OTOF: variants seen among roughly 807,000 people sequenced by gnomAD.
The protein encoded by OTOF is otoferlin.
OTOF carries 218 observed loss-of-function variants against 236.8 expected under a neutral mutation model. The observed-to-expected ratio is 0.92, with a 90% CI of 0.82 to 1.03. OTOF has a LOEUF of 1.03. Ranked by LOEUF, OTOF falls within the 50% of genes least tolerant of loss-of-function variation. The pLI is 0.00. For missense variants in OTOF, 2,590 were observed against 2,694.4 expected (o/e 0.96, Z 0.86); for synonymous variants, 1,041 against 1,072.5 (o/e 0.97, Z 0.57).
rs560100321 is a variant in OTOF, at chr2:26,483,045, G to A, written c.1392+417C>T. Among the ~76,000 whole-genome samples the A allele has an allele frequency of 1.5e-4, 22 of 150,134 alleles. No homozygotes were observed. The East Asian group carries it at 4.0e-3, about 27-fold the overall frequency. On this transcript the variant is annotated intron_variant, in intron 13 of 46. Coordinates refer to ENST00000272371, the MANE Select transcript of OTOF (RefSeq NM_194248.3). ...TGTGTGCGTGTGTGAGTGGGTGCAT[G>A]TGTGCATGTGTGAGTGGGTGTGTGT... is the stretch of plus-strand genomic sequence containing the variant.
intron 1 of OTOF, among the ~76,000 whole-genome samples, chr2:26,538,951 T>C (rs1397813764): frequency 6.6e-6 from 1 of 151,828 alleles, no homozygotes; most frequent in Non-Finnish European, 1.5e-5. Context: ...GTAACTGGGA[T>C]TACAGGCGCC....
At chr2:26,474,737 G>C in intron 25 of OTOF, 63 bp from the exon 26 acceptor site, 1 of 1,574,382 alleles carries the variant, frequency 6.4e-7, no homozygotes, top group Non-Finnish European at 8.7e-7. Context: ...GATCTCGTTT[G>C]GTCCTTACCA....
At chr2:26,469,946 T>C (rs1294537640) in intron 32 of OTOF, among the ~76,000 whole-genome samples, 1 of 152,136 alleles carries the variant, frequency 6.6e-6, no homozygotes, top group Non-Finnish European at 1.5e-5. Context: ...GTAGGCAGCG[T>C]GGAGAGGACA....
In OTOF at chr2:26,460,842, G is replaced by A. The variant is rs1184362325; in HGVS notation, c.5712+10C>T. On this transcript the variant is annotated intron_variant, in intron 44 of 46. Transcript: ENST00000272371. The surrounding 1 kb of genome is among the most constrained non-coding windows in gnomAD (Gnocchi z 5.3). ...CCCTGCCTACTGCCCGAGCAGGAAG[G>A]GGTGCGCACCGTGAGCTCAAACTCA... 1 of 1,614,148 alleles carries A rather than the reference G, an allele frequency of 6.2e-7. No individual in the cohort carries two copies.
At chr2:26,481,908 A>T (rs1665550100) in intron 14 of OTOF, among the ~76,000 whole-genome samples, 1 of 152,080 alleles carries the variant, frequency 6.6e-6, no homozygotes, top group Non-Finnish European at 1.5e-5. Flanking sequence ...TCTCCTCAAT[A>T]CACAGTGAGC....
chr2:26,540,306 C>T (rs1388456031), intron 1 of OTOF, among the ~76,000 whole-genome samples: 2 of 152,182 alleles, frequency 1.3e-5, no homozygotes, highest in Non-Finnish European at 2.9e-5. Context: ...TGAAGCCATT[C>T]CTATTTGGGG....
rs145542209 is a variant in OTOF at position 26,557,709 on chromosome 2, G to A, written c.79+784C>T. 6.3e-4 allele frequency among the ~76,000 whole-genome samples: 95 copies of A among 151,642 alleles called. No individual in the cohort carries two copies. In the South Asian group the frequency reaches 9.0e-3, roughly 14 times the overall value. On this transcript the variant is annotated intron_variant, in intron 1 of 46. Transcript: ENST00000272371. ...GTATTAGCTGAGTGTTACTTCCTCC[G>A]GGAAGCCTTCCCTGACCACCGGTCA...
intron 8 of OTOF, among the ~76,000 whole-genome samples, chr2:26,498,220 G>T (rs1163273564): frequency 3.9e-5 from 6 of 152,212 alleles, no homozygotes; most frequent in African/African-American, 1.2e-4. Flanking sequence ...TGACAACCTG[G>T]GCAGAAGCTC....
intron 2 of OTOF, among the ~76,000 whole-genome samples, chr2:26,537,294 C>A (rs925340717): frequency 6.6e-6 from 1 of 152,130 alleles, no homozygotes; most frequent in Non-Finnish European, 1.5e-5. Context: ...CCGGGGCTGC[C>A]CTGCTCTTCA....
At chr2:26,507,287 C>A (rs533786772) in intron 5 of OTOF, among the ~76,000 whole-genome samples, 2 of 152,202 alleles carry the variant, frequency 1.3e-5, no homozygotes, top group Non-Finnish European at 2.9e-5. Context: ...ATCAGTACAG[C>A]ATGATGTCAT....
intron 2 of OTOF, among the ~76,000 whole-genome samples, chr2:26,536,575 T>C (rs1667075343): frequency 6.6e-6 from 1 of 152,062 alleles, no homozygotes; most frequent in Admixed American, 6.5e-5. Flanking sequence ...AGCCACATCG[T>C]GTGGCCTGGT....
At chr2:26,487,031 C>T (rs1665717036) in intron 11 of OTOF, among the ~76,000 whole-genome samples, 1 of 152,144 alleles carries the variant, frequency 6.6e-6, no homozygotes, top group African/African-American at 2.4e-5. Context: ...GTGTATGGCC[C>T]GTCCTCACCC....
At chr2:26,458,575 C>A (rs1256463030) in intron 46 of OTOF, among the ~76,000 whole-genome samples, 1 of 152,130 alleles carries the variant, frequency 6.6e-6, no homozygotes, top group Non-Finnish European at 1.5e-5. Context: ...TGCTTCACAA[C>A]CTCTTCCTTT....
At chr2:26,476,070 TG>T in intron 23 of OTOF, 32 bp from the exon 24 acceptor site, 3 of 1,612,134 alleles carry the variant, frequency 1.9e-6, no homozygotes, top group Non-Finnish European at 2.5e-6. Flanking sequence ...GGTTCCAGGA[TG>T]GGCAGCCCCT....
chr2:26,546,811 T>C (rs1667345548), intron 1 of OTOF, among the ~76,000 whole-genome samples: 1 of 152,064 alleles, frequency 6.6e-6, no homozygotes, highest in Non-Finnish European at 1.5e-5. Flanking sequence ...TGGAAGTCTT[T>C]CCTGTCTTTG....
In OTOF at chr2:26,477,779, G is replaced by C. The variant is rs913751961; in HGVS notation, c.2215-30C>G. 13 of 1,611,184 alleles carry C rather than the reference G, an allele frequency of 8.1e-6. No individual in the cohort carries two copies. Among genetic ancestry groups the C allele is most frequent in the Middle Eastern group, 1.6e-4 (1 of 6,084 alleles). On this transcript the variant is annotated intron_variant, in intron 18 of 46. Transcript: ENST00000272371. This position sits in a 1 kb window ranked among gnomAD's most constrained non-coding sequence, Gnocchi z 4.7. The stretch of plus-strand genomic sequence containing the variant: ...GAATCAGGAGTGTGGGTGATGCTGG[G>C]CCACAGCCCCGCCTCCCCAGCCTCC...
chr2:26,513,806 T>C (rs1666451745), intron 5 of OTOF, among the ~76,000 whole-genome samples: 2 of 152,210 alleles, frequency 1.3e-5, no homozygotes, highest in African/African-American at 4.8e-5. Context: ...GGTGTTGTCC[T>C]CTTTAAGGAG....
At chr2:26,548,793 A>T (rs1667394701) in intron 1 of OTOF, among the ~76,000 whole-genome samples, 1 of 152,236 alleles carries the variant, frequency 6.6e-6, no homozygotes. Flanking sequence ...TGGCTATACC[A>T]TCTAGCTTTG....
intron 3 of OTOF, among the ~76,000 whole-genome samples, chr2:26,525,409 A>G (rs1391938741): frequency 6.6e-6 from 1 of 152,142 alleles, no homozygotes; most frequent in African/African-American, 2.4e-5. Flanking sequence ...ACCTCCTAAG[A>G]CAGCACATTG....
Sources: allele counts gnomAD v4.1 joint callset (sites outside exome capture counted in the v4.1 genomes callset), GRCh38; gene constraint gnomAD v4.1.1; non-coding constraint Gnocchi (gnomAD v3.1); transcripts MANE v1.5; gene names NCBI Gene and HGNC (gene_info 2026-07-23, HGNC 2026-07-21).